The following TPRG1 variants were observed in gnomAD, a reference collection of about 807,000 sequenced individuals.
The protein encoded by TPRG1 is tumor protein p63 regulated 1.
Under a neutral mutation model 29.3 loss-of-function variants are expected in TPRG1, and 29 were observed. That is an observed-to-expected ratio of 0.99 (90% confidence interval 0.74 to 1.35). The LOEUF (loss-of-function observed/expected upper bound fraction) is 1.35, where lower values mean the gene tolerates loss of function less well. Ranked by LOEUF, TPRG1 falls within the 40% of genes most tolerant of loss-of-function variation. TPRG1 has a pLI of 0.00. For missense variants in TPRG1, 327 were observed against 335.0 expected (o/e 0.98, Z 0.19); for synonymous variants, 130 against 116.8 (o/e 1.11, Z -0.73).
At chr3:189,279,789 G>T (rs1227126333) in intron 4 of TPRG1, among the ~76,000 whole-genome samples, 1 of 152,136 alleles carries the variant, frequency 6.6e-6, no homozygotes, top group Non-Finnish European at 1.5e-5. Context: ...AATTCAGGTT[G>T]TTTCTAGACA....
At chr3:189,251,546 T>G (rs965268690) in intron 4 of TPRG1, among the ~76,000 whole-genome samples, 2 of 152,150 alleles carry the variant, frequency 1.3e-5, no homozygotes, top group Non-Finnish European at 2.9e-5. Flanking sequence ...TAGTATTTAT[T>G]GATCATTTTT....
At chr3:189,015,968 C>A (rs985904625) in intron 3 of TPRG1, among the ~76,000 whole-genome samples, 1 of 152,158 alleles carries the variant, frequency 6.6e-6, no homozygotes, top group Non-Finnish European at 1.5e-5. Context: ...TCCACTAAGA[C>A]ACTGCCTAGT....
intron 1 of TPRG1, among the ~76,000 whole-genome samples, chr3:189,197,949 A>C (rs1328209014): frequency 1.3e-5 from 2 of 152,228 alleles, no homozygotes; most frequent in African/African-American, 2.4e-5. Flanking sequence ...GAATATTTAC[A>C]GTGCCAAGGC....
chr3:189,143,257 T>C (rs140852847), intron 3 of TPRG1, among the ~76,000 whole-genome samples: 103 of 152,316 alleles, frequency 6.8e-4, no homozygotes, highest in African/African-American at 2.4e-3. Context: ...GCTGGTAATA[T>C]CTCCATTCTC....
At chr3:189,304,116 GT>G (rs67456701) in intron 4 of TPRG1, among the ~76,000 whole-genome samples, 91 of 137,020 alleles carry the variant, frequency 6.6e-4, no homozygotes, top group East Asian at 2.9e-3. Flanking sequence ...GTTAACTCTT[GT>G]TTTTTTTTTT....
intron 2 of TPRG1, among the ~76,000 whole-genome samples, chr3:189,131,768 G>A (rs1393416115): frequency 1.3e-5 from 2 of 152,130 alleles, no homozygotes; most frequent in African/African-American, 4.8e-5. Flanking sequence ...ATAGCCAGAG[G>A]CATATTATTA....
intron 5 of TPRG1, among the ~76,000 whole-genome samples, chr3:189,312,115 T>TTCTTTCTTTCTCTCTCTCTCTCTCTC (rs1560688940): frequency 1.4e-5 from 1 of 69,008 alleles, no homozygotes; most frequent in African/African-American, 7.0e-5. Context: ...GTTTCTTTCT[T>TTCTTTCTTTCTCTCTCTCTCTCTCTC]TGTTTCTTTC....
At chr3:189,174,763 A>G (rs1333859186) in intron 1 of TPRG1, among the ~76,000 whole-genome samples, 1 of 152,214 alleles carries the variant, frequency 6.6e-6, no homozygotes, top group Non-Finnish European at 1.5e-5. Flanking sequence ...TAAAGTATTA[A>G]GCAAGATGAC....
intron 2 of TPRG1, among the ~76,000 whole-genome samples, chr3:189,214,877 C>G (rs1454542040): frequency 6.6e-6 from 1 of 151,670 alleles, no homozygotes; most frequent in Non-Finnish European, 1.5e-5. Context: ...CATGAGTCAG[C>G]TAAAATTTAT....
At chr3:189,249,846 T>C (rs1420048245) in intron 4 of TPRG1, among the ~76,000 whole-genome samples, 2 of 152,282 alleles carry the variant, frequency 1.3e-5, no homozygotes, top group East Asian at 3.9e-4. Context: ...TTTCTACTTC[T>C]ACATCATTCT....
chr3:189,252,848 C>T (rs1007338047), intron 4 of TPRG1, among the ~76,000 whole-genome samples: 86 of 152,158 alleles, frequency 5.7e-4, no homozygotes, highest in African/African-American at 2.0e-3. Context: ...ATTTACTTGT[C>T]GACTCTCCCA....
upstream of TPRG1, among the ~76,000 whole-genome samples, chr3:189,167,398 AG>A (rs1474306736): frequency 6.6e-6 from 1 of 152,084 alleles, no homozygotes; most frequent in African/African-American, 2.4e-5. Flanking sequence ...CCTTATGGGG[AG>A]CCCTTCTCCC....
intron 5 of TPRG1, 113 bp from the exon 6 acceptor site, chr3:189,320,513 T>A: frequency 1.3e-6 from 1 of 770,492 alleles, no homozygotes; most frequent in Non-Finnish European, 1.9e-6. Context: ...GAAGTAAGAA[T>A]AACTGCAGCC....
At chr3:189,278,236 A>G (rs1289391955) in intron 4 of TPRG1, among the ~76,000 whole-genome samples, 2 of 152,168 alleles carry the variant, frequency 1.3e-5, no homozygotes, top group Non-Finnish European at 2.9e-5. Context: ...GGAGCAGTGA[A>G]GGGCCTGGGT....
chr3:189,205,875 T>A (rs1411462971), intron 1 of TPRG1, among the ~76,000 whole-genome samples: 1 of 152,180 alleles, frequency 6.6e-6, no homozygotes, highest in Non-Finnish European at 1.5e-5. Context: ...CAAACAAAAA[T>A]AAAAATCACC....
At chr3:189,255,893 T>C (rs1711776023) in intron 4 of TPRG1, among the ~76,000 whole-genome samples, 1 of 150,908 alleles carries the variant, frequency 6.6e-6, no homozygotes, top group Admixed American at 6.6e-5. Flanking sequence ...TTTTTGTTTA[T>C]TGTATTTATC....
intron 4 of TPRG1, among the ~76,000 whole-genome samples, chr3:189,269,001 C>T (rs966258575): frequency 1.3e-5 from 2 of 152,114 alleles, no homozygotes; most frequent in Admixed American, 6.6e-5. Flanking sequence ...ACATTTTCCT[C>T]CAGAAAATGG....
At chr3:189,157,186 A>G (rs7620702) in intron 5 of TPRG1, among the ~76,000 whole-genome samples, 61,375 of 151,990 alleles carry the variant, frequency 0.4, 12,612 homozygotes, top group South Asian at 0.54. Context: ...TTTGTTATGC[A>G]TCTTAGAGAG....
intron 3 of TPRG1, among the ~76,000 whole-genome samples, chr3:189,142,989 A>T (rs77649462): frequency 0.036 from 5,509 of 152,286 alleles, 341 homozygotes; most frequent in African/African-American, 0.13. Context: ...GATTTAAGGC[A>T]TTTAGCTAGA....
Sources: gnomAD v4.1 joint callset for allele counts (sites outside exome capture counted in the v4.1 genomes callset) on GRCh38, gnomAD v4.1.1 for gene constraint, MANE v1.5 for transcripts, NCBI Gene and HGNC (gene_info 2026-07-23, HGNC 2026-07-21) for gene names.